The following ALK variants were observed in gnomAD, a reference collection of about 807,000 sequenced individuals.
The protein encoded by ALK is ALK tyrosine kinase receptor.
In ALK, 74 loss-of-function variants were observed where a neutral mutation model predicts 163.1. That is an observed-to-expected ratio of 0.45 (90% CI 0.38 to 0.55). ALK has a LOEUF of 0.55. Among genes scored for constraint, ALK ranks in the 20% least tolerant of loss-of-function variants. ALK has a pLI of 0.00. For synonymous variants in ALK, 960 were observed against 843.2 expected, an observed-to-expected ratio of 1.14 and a Z score of -2.40; for missense variants, 2,063 against 2,105.3, an observed-to-expected ratio of 0.98 and a Z score of 0.39.
chr2:29,568,562 C>A (rs1573463045), intron 3 of ALK, among the ~76,000 whole-genome samples: 1 of 152,100 alleles, frequency 6.6e-6, no homozygotes, highest in Non-Finnish European at 1.5e-5. Context: ...TTTAGGGGTC[C>A]CTGGAACTCC....
chr2:29,258,803 C>A (rs1252677758), intron 11 of ALK, among the ~76,000 whole-genome samples: 2 of 152,300 alleles, frequency 1.3e-5, no homozygotes, highest in East Asian at 3.9e-4. Context: ...GACCTGGAAT[C>A]AACCGTTTCC....
Position 29,275,232 on chromosome 2 carries a change from A to G in ALK, c.1913-5T>C. ...GGATCTTGTCCTCTCCGCTAACTGC[A>G]ATAGAGAAGACCCCACGGGCTGAGT... On this transcript the variant is annotated splice_region_variant and splice_polypyrimidine_tract_variant and intron_variant, in intron 10 of 28. Transcript: ENST00000389048. 7 of 1,614,076 alleles carry G rather than the reference A, an allele frequency of 4.3e-6. No individual in the cohort carries two copies. Among genetic ancestry groups the G allele is most frequent in the Non-Finnish European group, 5.9e-6 (7 of 1,180,034 alleles).
chr2:29,851,944 C>T (rs950348854), intron 1 of ALK, among the ~76,000 whole-genome samples: 3 of 152,194 alleles, frequency 2.0e-5, no homozygotes, highest in African/African-American at 7.2e-5. Flanking sequence ...AGGTCAGCAG[C>T]AGTAAGTAGT....
chr2:29,274,956 A>G (rs1394876691), intron 11 of ALK, 143 bp downstream of exon 11: 2 of 1,115,776 alleles, frequency 1.8e-6, no homozygotes, highest in African/African-American at 1.5e-5. Flanking sequence ...CTTGGACCCC[A>G]TAGTCAGAGT....
At chr2:29,805,260 C>T (rs1326277920) in intron 1 of ALK, among the ~76,000 whole-genome samples, 2 of 152,184 alleles carry the variant, frequency 1.3e-5, no homozygotes, top group Non-Finnish European at 2.9e-5. Context: ...AAGCACTATA[C>T]AAATAGGCTC....
intron 11 of ALK, among the ~76,000 whole-genome samples, chr2:29,268,783 G>A (rs890903421): frequency 1.8e-4 from 27 of 152,066 alleles, no homozygotes; most frequent in Admixed American, 8.5e-4. Flanking sequence ...GGATTGAGCC[G>A]GCTTGACTTT....
intron 1 of ALK, among the ~76,000 whole-genome samples, chr2:29,751,580 C>A (rs577835147): frequency 7.9e-5 from 12 of 152,238 alleles, no homozygotes; most frequent in Admixed American, 7.8e-4. Context: ...GTTCCTCTTG[C>A]CTTCTGCTAC....
At position 29,868,373 on chromosome 2, in the gene ALK, G is replaced by C. The variant is rs184828388; in HGVS notation, c.667+51620C>G. Among the ~76,000 whole-genome samples the C allele has an allele frequency of 2.0e-5, 3 of 152,330 alleles. No individual in the cohort carries two copies. In the East Asian group the frequency reaches 5.8e-4, roughly 29 times the overall value. On this transcript the variant is annotated intron_variant, in intron 1 of 28. Transcript: ENST00000389048. Reference sequence around the variant, plus strand: ...CAGAACAGACAAAGATTCTGCACTTGTGAAGATAATATTCTACAGGGGAAA... The same window carrying C: ...CAGAACAGACAAAGATTCTGCACTTCTGAAGATAATATTCTACAGGGGAAA...
chr2:29,511,206 A>G (rs552305146), intron 4 of ALK, among the ~76,000 whole-genome samples: 2 of 152,276 alleles, frequency 1.3e-5, no homozygotes, highest in East Asian at 3.9e-4. Flanking sequence ...GAGAAACCAC[A>G]ACTACATTCC....
At chr2:29,229,677 T>A (rs946908615) in intron 15 of ALK, among the ~76,000 whole-genome samples, 24 of 152,312 alleles carry the variant, frequency 1.6e-4, no homozygotes, top group East Asian at 3.9e-4. Context: ...ATGGGGTTGA[T>A]GTTCCGCTCA....
intron 2 of ALK, among the ~76,000 whole-genome samples, chr2:29,710,499 CGTGTGTGTGTGT>C (rs55939983): frequency 3.3e-4 from 48 of 144,764 alleles, no homozygotes; most frequent in African/African-American, 1.0e-3. Flanking sequence ...AGTCTGTGTG[CGTGTGTGTGTGT>C]GTGTGTGTGT....
chr2:29,914,073 C>A (rs1217925681), intron 1 of ALK, among the ~76,000 whole-genome samples: 2 of 152,112 alleles, frequency 1.3e-5, no homozygotes, highest in Non-Finnish European at 2.9e-5. Flanking sequence ...GCCTTGGTTT[C>A]CTTCTGTAGG....
intron 3 of ALK, among the ~76,000 whole-genome samples, chr2:29,648,225 T>C (rs551452773): frequency 2.0e-5 from 3 of 152,194 alleles, no homozygotes; most frequent in African/African-American, 4.8e-5. Context: ...GTATTACGCA[T>C]AAATAATTTG....
intron 9 of ALK, among the ~76,000 whole-genome samples, 194 bp from the exon 10 acceptor site, chr2:29,275,690 G>T (rs1432420494): frequency 3.9e-5 from 6 of 152,272 alleles, no homozygotes; most frequent in Non-Finnish European, 1.5e-5. Context: ...TTCCCCTTCC[G>T]AACTATCGCT....
chr2:29,685,796 A>G (rs1288429655), intron 3 of ALK, among the ~76,000 whole-genome samples: 2 of 152,212 alleles, frequency 1.3e-5, no homozygotes, highest in Non-Finnish European at 2.9e-5. Context: ...GAAGTCTAAA[A>G]TGGGTTGGTG....
At chr2:29,384,971 A>G (rs1573304763) in intron 4 of ALK, among the ~76,000 whole-genome samples, 1 of 152,080 alleles carries the variant, frequency 6.6e-6, no homozygotes, top group African/African-American at 2.4e-5. Flanking sequence ...GAATCACTTG[A>G]ACCAGGGAGG....
chr2:29,475,511 A>G (rs956517098), intron 4 of ALK, among the ~76,000 whole-genome samples: 1 of 152,032 alleles, frequency 6.6e-6, no homozygotes, highest in South Asian at 2.1e-4. Flanking sequence ...ACTGGAGAAC[A>G]TTCCTGAACA....
intron 1 of ALK, among the ~76,000 whole-genome samples, chr2:29,771,510 T>A (rs912960088): frequency 6.6e-6 from 1 of 152,258 alleles, no homozygotes; most frequent in Admixed American, 6.5e-5. Context: ...TGAAGGGCTA[T>A]GACTTGCACC....
chr2:29,378,697 TCCTCCCCTCC>T (rs1297950396), intron 5 of ALK, among the ~76,000 whole-genome samples: 1 of 151,664 alleles, frequency 6.6e-6, no homozygotes, highest in Non-Finnish European at 1.5e-5. Flanking sequence ...GCCATGCTGA[TCCTCCCCTCC>T]CCTCCCCTCC....
Sources: allele counts gnomAD v4.1 joint callset (sites outside exome capture counted in the v4.1 genomes callset), GRCh38; gene constraint gnomAD v4.1.1; transcripts MANE v1.5; gene names NCBI Gene and HGNC (gene_info 2026-07-23, HGNC 2026-07-21).